The following TNKS variants were observed in gnomAD, a reference collection of about 807,000 sequenced individuals.
TNKS encodes the protein tankyrase, also known as poly [ADP-ribose] polymerase tankyrase-1.
In TNKS, 72 loss-of-function variants were observed where a neutral mutation model predicts 135.8. That is an observed-to-expected ratio of 0.53 (90% CI 0.44 to 0.64). The LOEUF is 0.64. Among genes scored for constraint, TNKS ranks in the 30% least tolerant of loss-of-function variants. TNKS has a pLI of 0.00. For missense variants in TNKS, 1,769 were observed against 1,674.0 expected (o/e 1.06, Z -0.99); for synonymous variants, 849 against 649.3 (o/e 1.31, Z -4.68).
intron 15 of TNKS, 103 bp from the exon 16 acceptor site, chr8:9,734,762 T>C (rs1805607307): frequency 4.0e-6 from 4 of 988,956 alleles, no homozygotes; most frequent in Non-Finnish European, 4.5e-6. Context: ...AGAGTAGATA[T>C]CTTCCCCAGA....
chr8:9,573,953 G>A (rs1030607248), intron 1 of TNKS, among the ~76,000 whole-genome samples: 4 of 152,050 alleles, frequency 2.6e-5, no homozygotes, highest in African/African-American at 9.7e-5. Context: ...AATTTTAGGC[G>A]GGATTACAAT....
At chr8:9,644,891 C>T (rs1800859923) in intron 3 of TNKS, among the ~76,000 whole-genome samples, 1 of 152,066 alleles carries the variant, frequency 6.6e-6, no homozygotes, top group Admixed American at 6.6e-5. Context: ...TACAGAAGAT[C>T]TTCAGCAGTT....
At chr8:9,697,713 C>T (rs4841198) in intron 5 of TNKS, among the ~76,000 whole-genome samples, 10,674 of 152,074 alleles carry the variant, frequency 0.07, 683 homozygotes, top group East Asian at 0.22. Context: ...ATCAGAGAAA[C>T]GCAAATCACA....
At chr8:9,750,839 G>C (rs1806486191) in intron 18 of TNKS, among the ~76,000 whole-genome samples, 2 of 152,232 alleles carry the variant, frequency 1.3e-5, no homozygotes, top group African/African-American at 4.8e-5. Flanking sequence ...ACTCAGCAGA[G>C]GCTGGAGCTT....
At chr8:9,622,907 C>T (rs1436748123) in intron 3 of TNKS, among the ~76,000 whole-genome samples, 1 of 152,088 alleles carries the variant, frequency 6.6e-6, no homozygotes, top group Non-Finnish European at 1.5e-5. Context: ...AGTACTGAAC[C>T]CTGTACAGAC....
chr8:9,556,495 C>A lies in TNKS; in HGVS notation c.556C>A (p.Leu186Met). 1 of 1,614,178 alleles carries A rather than the reference C, an allele frequency of 6.2e-7. No individual in the cohort carries two copies. Among genetic ancestry groups the A allele is most frequent in the Non-Finnish European group, 8.5e-7 (1 of 1,180,040 alleles). ...AGCAGTGAGCGGGGCCCTACGGGAA[C>A]TGCTGGAGGCCTGTCGCAATGGGGA... ...VPAVSGALRE[L>M]LEACRNGDVS... The change falls in exon 1 of 27, where the codon CTG becomes ATG. Residue 186 changes from leucine (L) to methionine (M), a missense_variant. Coordinates refer to ENST00000310430, the MANE Select transcript of TNKS (RefSeq NM_003747.3).
chr8:9,730,855 G>A lies in TNKS; in HGVS notation c.2002-35G>A, dbSNP rs777465946. The A allele has an allele frequency of 7.5e-6, 12 of 1,589,994 alleles. No individual in the cohort carries two copies. The South Asian group carries it at 1.1e-4, about 15-fold the overall frequency. Reference sequence around the variant, plus strand: ...AACCTGTGAATAAAGAGTAATGTTCGTTTTGTGTTTGTCTTTGTGTGTGCA... The same window carrying A: ...AACCTGTGAATAAAGAGTAATGTTCATTTTGTGTTTGTCTTTGTGTGTGCA... On this transcript the variant is annotated intron_variant, in intron 13 of 26. Coordinates refer to ENST00000310430, the MANE Select transcript of TNKS (RefSeq NM_003747.3).
intron 5 of TNKS, among the ~76,000 whole-genome samples, chr8:9,690,974 A>G (rs1045300703): frequency 1.3e-5 from 2 of 152,202 alleles, no homozygotes; most frequent in African/African-American, 2.4e-5. Flanking sequence ...AACCTTCGCT[A>G]TGACAGCTCT....
At chr8:9,758,977 C>T (rs1806997671) in intron 20 of TNKS, among the ~76,000 whole-genome samples, 1 of 152,156 alleles carries the variant, frequency 6.6e-6, no homozygotes, top group African/African-American at 2.4e-5. Context: ...CCCTCACGTG[C>T]TTATTGGCAG....
chr8:9,688,567 G>T (rs1000481853), intron 5 of TNKS, among the ~76,000 whole-genome samples: 1 of 152,146 alleles, frequency 6.6e-6, no homozygotes, highest in Non-Finnish European at 1.5e-5. Context: ...AGTTCTAAAG[G>T]CTGGGAAGTC....
intron 1 of TNKS, among the ~76,000 whole-genome samples, chr8:9,568,427 T>C (rs936207442): frequency 1.4e-4 from 22 of 152,200 alleles, no homozygotes; most frequent in African/African-American, 4.8e-4. Context: ...TTAAAAATAA[T>C]TGAAATAATT....
At chr8:9,747,998 C>G (rs1806322415) in intron 17 of TNKS, 26 bp from the exon 18 acceptor site, 6 of 1,586,046 alleles carry the variant, frequency 3.8e-6, no homozygotes, top group Non-Finnish European at 4.3e-6. Flanking sequence ...ATTCTTAACT[C>G]TTTGTATCCT....
In TNKS at chr8:9,620,246, C is replaced by T. The variant is rs559338766; in HGVS notation, c.994+4569C>T. Among the ~76,000 whole-genome samples, 16 of 152,214 alleles carry T rather than the reference C, an allele frequency of 1.1e-4. No individual in the cohort carries two copies. The South Asian group carries it at 2.7e-3, about 26-fold the overall frequency. Reference sequence around the variant, plus strand: ...ACAGGTGTGAGCCACCGTGCCCGGCCGGGACTCCTTTCTTTGCCTCACACT... The same window carrying T: ...ACAGGTGTGAGCCACCGTGCCCGGCTGGGACTCCTTTCTTTGCCTCACACT... On this transcript the variant is annotated intron_variant, in intron 3 of 26. Transcript: ENST00000310430.
intron 12 of TNKS, among the ~76,000 whole-genome samples, chr8:9,724,744 C>G (rs1685299049): frequency 6.6e-6 from 1 of 152,180 alleles, no homozygotes; most frequent in South Asian, 2.1e-4. Flanking sequence ...TCTTTACTTT[C>G]TCCTCTTTAA....
At chr8:9,695,256 C>T (rs558070623) in intron 5 of TNKS, among the ~76,000 whole-genome samples, 276 of 152,204 alleles carry the variant, frequency 1.8e-3, no homozygotes, top group Non-Finnish European at 3.3e-3. Flanking sequence ...ACTTTTAATT[C>T]TAATATTAAT....
intron 3 of TNKS, among the ~76,000 whole-genome samples, chr8:9,660,669 A>G (rs1343273524): frequency 1.3e-5 from 2 of 152,262 alleles, no homozygotes; most frequent in East Asian, 3.9e-4. Context: ...CCCTTTAAAC[A>G]CTGGCACAAG....
Position 9,716,651 on chromosome 8 carries a change from T to C in TNKS, c.1750-3723T>C, listed in dbSNP as rs1054915002. On this transcript the variant is annotated intron_variant, in intron 11 of 26. Coordinates refer to ENST00000310430, the MANE Select transcript of TNKS (RefSeq NM_003747.3). ...CAGGTACTTTGGCTGCCGTTCTCTA[T>C]GTCTCTGCCTCCCTGCTTCCCTCTT... 9.2e-5 allele frequency among the ~76,000 whole-genome samples: 14 copies of C among 152,198 alleles called. No individual in the cohort carries two copies. In the East Asian group the frequency reaches 1.9e-3, roughly 21 times the overall value.
intron 3 of TNKS, among the ~76,000 whole-genome samples, chr8:9,627,230 A>G (rs889923487): frequency 1.3e-5 from 2 of 152,178 alleles, no homozygotes; most frequent in Admixed American, 1.3e-4. Flanking sequence ...ATCCCTTGCC[A>G]TATGCATCTC....
chr8:9,724,799 T>A (rs1805081207), intron 12 of TNKS, among the ~76,000 whole-genome samples: 1 of 152,238 alleles, frequency 6.6e-6, no homozygotes, highest in South Asian at 2.1e-4. Flanking sequence ...AGCATTCTTA[T>A]ATTTGCTTAA....
Sources: gnomAD v4.1 joint callset for allele counts (sites outside exome capture counted in the v4.1 genomes callset) on GRCh38, gnomAD v4.1.1 for gene constraint, MANE v1.5 for transcripts, NCBI Gene and HGNC (gene_info 2026-07-23, HGNC 2026-07-21) for gene names.